The following NR6A1 variants were observed in gnomAD, a reference collection of about 807,000 sequenced individuals.
NR6A1 encodes nuclear receptor subfamily 6 group A member 1.
Under a neutral mutation model 59.1 loss-of-function variants are expected in NR6A1, and 7 were observed. That is an observed-to-expected ratio of 0.12 (90% CI 0.07 to 0.22). The LOEUF (loss-of-function observed/expected upper bound fraction) is 0.22. NR6A1 is among the 10% of genes least tolerant of loss of function. The pLI is 1.00. For synonymous variants in NR6A1, 243 were observed against 236.1 expected, an observed-to-expected ratio of 1.03 and a Z score of -0.27; for missense variants, 468 against 611.6, an observed-to-expected ratio of 0.77 and a Z score of 2.48.
At chr9:124,750,632 C>T (rs1477730569) in intron 1 of NR6A1, among the ~76,000 whole-genome samples, 9 of 151,798 alleles carry the variant, frequency 5.9e-5, no homozygotes, top group African/African-American at 7.3e-5. Flanking sequence ...TGGTGGTGGG[C>T]GCCTGTAGTC....
chr9:124,616,816 C>T (rs1835907871), intron 2 of NR6A1, among the ~76,000 whole-genome samples: 1 of 151,944 alleles, frequency 6.6e-6, no homozygotes, highest in African/African-American at 2.4e-5. Flanking sequence ...ATCAGATTGG[C>T]AAAAAATTAA....
chr9:124,613,337 A>AT (rs1249436944), intron 2 of NR6A1, among the ~76,000 whole-genome samples: 2 of 152,120 alleles, frequency 1.3e-5, no homozygotes, highest in African/African-American at 2.4e-5. Context: ...TGTCTCTAAA[A>AT]TAAAATTAAA....
intron 2 of NR6A1, among the ~76,000 whole-genome samples, chr9:124,638,925 A>T (rs1346445663): frequency 6.6e-6 from 1 of 152,230 alleles, no homozygotes; most frequent in Admixed American, 6.5e-5. Flanking sequence ...GAATGAATAT[A>T]GTATAATCCT....
chr9:124,647,583 C>T (rs1351367259), intron 2 of NR6A1, among the ~76,000 whole-genome samples: 1 of 151,824 alleles, frequency 6.6e-6, no homozygotes. Flanking sequence ...CAAAAATTAG[C>T]TGGGCGTGGT....
intron 2 of NR6A1, among the ~76,000 whole-genome samples, chr9:124,580,275 T>C (rs1381497835): frequency 6.6e-6 from 1 of 152,176 alleles, no homozygotes; most frequent in African/African-American, 2.4e-5. Flanking sequence ...AATATGCCAG[T>C]TTCAAAAGAT....
At chr9:124,712,016 T>A (rs1839293506) in intron 2 of NR6A1, among the ~76,000 whole-genome samples, 1 of 151,970 alleles carries the variant, frequency 6.6e-6, no homozygotes, top group Non-Finnish European at 1.5e-5. Context: ...TTGTTCCGAG[T>A]TTTGCAAGCA....
chr9:124,587,271 G>T (rs1834963566), intron 2 of NR6A1, among the ~76,000 whole-genome samples: 1 of 152,106 alleles, frequency 6.6e-6, no homozygotes, highest in Non-Finnish European at 1.5e-5. Flanking sequence ...ACTTTTATAT[G>T]CACTGAGAAA....
intron 2 of NR6A1, among the ~76,000 whole-genome samples, chr9:124,574,785 G>C (rs1417425132): frequency 3.9e-5 from 6 of 152,278 alleles, no homozygotes; most frequent in African/African-American, 1.2e-4. Context: ...ATGAGTACAG[G>C]AAAGAGAGGG....
intron 2 of NR6A1, among the ~76,000 whole-genome samples, chr9:124,564,130 T>C (rs1834164734): frequency 6.6e-6 from 1 of 152,086 alleles, no homozygotes; most frequent in Admixed American, 6.6e-5. Context: ...AATAAAGCTA[T>C]AAATAGTGCT....
At chr9:124,743,970 T>C (rs888946588) in intron 1 of NR6A1, among the ~76,000 whole-genome samples, 1 of 152,250 alleles carries the variant, frequency 6.6e-6, no homozygotes, top group Admixed American at 6.5e-5. Flanking sequence ...CTCACGCCTG[T>C]AATCTCAGAA....
chr9:124,543,731 G>A, intron 4 of NR6A1, 71 bp downstream of exon 4: 5 of 1,182,698 alleles, frequency 4.2e-6, no homozygotes, highest in Non-Finnish European at 6.0e-6. Context: ...GAGTCAAGGT[G>A]AGCAGTTTCA....
chr9:124,615,942 G>C (rs1386603428), intron 2 of NR6A1, among the ~76,000 whole-genome samples: 1 of 151,960 alleles, frequency 6.6e-6, no homozygotes, highest in Admixed American at 6.5e-5. Flanking sequence ...GGTCAGGCTG[G>C]TCTTGAACTC....
chr9:124,612,102 A>G (rs770485264), intron 2 of NR6A1, among the ~76,000 whole-genome samples: 2 of 152,242 alleles, frequency 1.3e-5, no homozygotes, highest in Non-Finnish European at 2.9e-5. Context: ...CTGTGCAGCT[A>G]TACTGTTTAG....
intron 2 of NR6A1, among the ~76,000 whole-genome samples, chr9:124,628,275 G>A (rs1393232624): frequency 2.0e-5 from 3 of 152,138 alleles, no homozygotes; most frequent in East Asian, 3.9e-4. Context: ...TGATCCGCCC[G>A]CCTCGGCCTC....
intron 2 of NR6A1, among the ~76,000 whole-genome samples, chr9:124,729,516 C>G (rs1226771378): frequency 4.6e-5 from 7 of 152,012 alleles, no homozygotes; most frequent in Admixed American, 4.6e-4. Context: ...CCCATGAGGT[C>G]AAGACTGCAG....
Position 124,522,037 on chromosome 9 carries a change from G to C in NR6A1, c.*668C>G, listed in dbSNP as rs1302770839. ...GCCCTTAGGACTTGTTGGGTGGAAG[G>C]ACACCTGCCTTAAATATGGTCACTG... is the stretch of plus-strand genomic sequence containing the variant. On this transcript the variant is annotated 3_prime_UTR_variant, in exon 10 of 10. Coordinates refer to ENST00000487099, the MANE Select transcript of NR6A1 (RefSeq NM_033334.4). 6.6e-6 allele frequency: 1 copy of C among 152,186 alleles called. No individual in the cohort carries two copies. Among genetic ancestry groups the C allele is most frequent in the Admixed American group, 6.5e-5 (1 of 15,272 alleles). 9.4% of individuals were successfully genotyped at this position (152,186 alleles called of 1,614,324 possible).
chr9:124,639,548 A>G (rs1400760002), intron 2 of NR6A1, among the ~76,000 whole-genome samples: 1 of 152,184 alleles, frequency 6.6e-6, no homozygotes, highest in Non-Finnish European at 1.5e-5. Context: ...ATGTCAAGTA[A>G]ATGTTCTTAA....
At chr9:124,599,551 G>T in intron 2 of NR6A1, 1 of 734,560 alleles carries the variant, frequency 1.4e-6, no homozygotes, top group Non-Finnish European at 2.0e-6. Flanking sequence ...AAGTATCGTG[G>T]TCTTCCTGAG....
At chr9:124,653,782 G>A (rs1837170915) in intron 2 of NR6A1, among the ~76,000 whole-genome samples, 1 of 152,318 alleles carries the variant, frequency 6.6e-6, no homozygotes, top group African/African-American at 2.4e-5. Context: ...AACCCTACTA[G>A]AGTCAGAATA....
Sources: allele counts gnomAD v4.1 joint callset (sites outside exome capture counted in the v4.1 genomes callset), GRCh38; gene constraint gnomAD v4.1.1; transcripts MANE v1.5; gene names NCBI Gene and HGNC (gene_info 2026-07-23, HGNC 2026-07-21).